TOR1AIP2: variants seen among roughly 807,000 people sequenced by gnomAD.
TOR1AIP2 encodes the protein torsin 1A interacting protein 2.
TOR1AIP2 carries 20 observed loss-of-function variants against 32.6 expected under a neutral mutation model. That is an observed-to-expected ratio of 0.61 (90% confidence interval 0.43 to 0.89). The LOEUF is 0.89. TOR1AIP2 is among the 40% of genes least tolerant of loss of function. The probability of loss-of-function intolerance (pLI) is 0.00; values close to 1 mark genes in which losing one functional copy is unlikely to be tolerated. For missense variants in TOR1AIP2, 456 were observed against 553.8 expected (o/e 0.82, Z 1.77); for synonymous variants, 214 against 210.8 (o/e 1.02, Z -0.13).
At chr1:179,870,160 G>A (rs1354482591) in intron 2 of TOR1AIP2, among the ~76,000 whole-genome samples, 1 of 152,192 alleles carries the variant, frequency 6.6e-6, no homozygotes, top group Admixed American at 6.5e-5. Context: ...ACTTTGGGAG[G>A]CCAAGGCGGG....
At chr1:179,875,573 C>T (rs1436613021) in intron 2 of TOR1AIP2, 1 of 152,122 alleles carries the variant, frequency 6.6e-6, no homozygotes, top group African/African-American at 2.4e-5. Flanking sequence ...ATGATAGATA[C>T]TCATGGTCAA....
intron 4 of TOR1AIP2, among the ~76,000 whole-genome samples, chr1:179,851,954 G>A (rs1331484150): frequency 1.3e-5 from 2 of 152,154 alleles, no homozygotes; most frequent in Admixed American, 6.5e-5. Context: ...AACCCAGCAC[G>A]TGGGAAATTC....
At chr1:179,865,877 C>T (rs1410331687) in intron 2 of TOR1AIP2, 23 bp from the exon 3 acceptor site, 3 of 152,588 alleles carry the variant, frequency 2.0e-5, no homozygotes, top group South Asian at 2.1e-4. Flanking sequence ...AAACTTCAGA[C>T]GACTCATGGG....
At chr1:179,852,234 C>G (rs1313624307) in intron 4 of TOR1AIP2, among the ~76,000 whole-genome samples, 1 of 150,528 alleles carries the variant, frequency 6.6e-6, no homozygotes, top group Non-Finnish European at 1.5e-5. Flanking sequence ...GAGCTGAGAT[C>G]ACGCCACTGC....
At chr1:179,872,068 A>G (rs1181249127) in intron 2 of TOR1AIP2, among the ~76,000 whole-genome samples, 2 of 152,214 alleles carry the variant, frequency 1.3e-5, no homozygotes, top group African/African-American at 4.8e-5. Flanking sequence ...TTTAGAACAG[A>G]GAAGCCAAAT....
Position 179,877,755 on chromosome 1 carries a change from C to T in TOR1AIP2, c.-763G>A, listed in dbSNP as rs1240401462. The T allele has an allele frequency of 6.6e-6, 1 of 152,202 alleles. No homozygotes were observed. Among genetic ancestry groups the T allele is most frequent in the Non-Finnish European group, 1.5e-5 (1 of 68,042 alleles). The allele number at this position is 152,202 out of a possible 1,614,324, so 9.4% of individuals were successfully genotyped here. A position where few individuals can be genotyped will look rare whatever the true frequency, so the allele number is the denominator to read the frequency against. ...ATCAGGAGAGCCCTTCGAGTATTCTCTCCGCTCCACACCGCTCGGCTGCAC... is the reference window on the plus strand; with the variant it reads ...ATCAGGAGAGCCCTTCGAGTATTCTTTCCGCTCCACACCGCTCGGCTGCAC... On this transcript the variant is annotated 5_prime_UTR_variant, in exon 1 of 7. Coordinates refer to ENST00000609928, the MANE Select transcript of TOR1AIP2 (RefSeq NM_001199260.2).
intron 3 of TOR1AIP2, chr1:179,864,609 C>T: frequency 1.4e-6 from 2 of 1,382,444 alleles, no homozygotes; most frequent in Non-Finnish European, 1.9e-6. Flanking sequence ...GGAATACTAA[C>T]TAAATTCATG....
In TOR1AIP2 at chr1:179,851,162, C is replaced by A; in HGVS notation, c.236G>T (p.Gly79Val). ...KSESPDEANVGKHPKDKTEDE... is the reference protein window; with the variant it reads ...KSESPDEANVVKHPKDKTEDE... ...TTCTGTTTTATCCTTTGGATGTTTC[C>A]CCACATTTGCTTCATCTGGACTTTC... is the stretch of plus-strand genomic sequence containing the variant. Residue 79 changes from glycine (G) to valine (V), a missense_variant, in exon 5 of 7, where the codon GGG becomes GTG. By Grantham distance (109) the Gly-to-Val change is moderately radical (BLOSUM62 -3). Transcript: ENST00000609928. The A allele has an allele frequency of 6.2e-7, 1 of 1,613,996 alleles. No homozygotes were observed. The highest frequency in any genetic ancestry group is 8.5e-7 in the Non-Finnish European group (1 of 1,180,006).
intron 3 of TOR1AIP2, among the ~76,000 whole-genome samples, chr1:179,858,270 C>T (rs2148438270): frequency 6.6e-6 from 1 of 152,138 alleles, no homozygotes; most frequent in African/African-American, 2.4e-5. Context: ...TGATATGTTA[C>T]AGCATGTACA....
At position 179,865,538 on chromosome 1, in the gene TOR1AIP2, G is replaced by C. The variant is rs1413916241; in HGVS notation, c.-249C>G. The C allele has an allele frequency of 5.4e-6, 1 of 183,760 alleles. No individual in the cohort carries two copies. The highest frequency in any genetic ancestry group is 2.4e-5 in the African/African-American group (1 of 42,370). The allele number at this position is 183,760 out of a possible 1,614,324, so 11.4% of individuals were successfully genotyped here. ...ATATTTTTCTTATGCGTCATCAGCTGCTGGTGGTGTCACACAGAGGCACTT... is the reference window on the plus strand; with the variant it reads ...ATATTTTTCTTATGCGTCATCAGCTCCTGGTGGTGTCACACAGAGGCACTT... On this transcript the variant is annotated 5_prime_UTR_variant, in exon 3 of 7. Transcript: ENST00000609928.
chr1:179,854,450 A>G (rs934255254), intron 3 of TOR1AIP2, among the ~76,000 whole-genome samples: 11 of 152,242 alleles, frequency 7.2e-5, no homozygotes, highest in Non-Finnish European at 1.5e-4. Flanking sequence ...TTTTTTGATT[A>G]TTGTTGGTTT....
chr1:179,863,232 A>AT (rs1696625395), intron 3 of TOR1AIP2: 1 of 969,984 alleles, frequency 1.0e-6, no homozygotes, highest in Non-Finnish European at 1.2e-6. Flanking sequence ...TCAAAAAAAA[A>AT]AAAAAAAAAA....
At chr1:179,877,529 A>G (rs1184264560) in intron 1 of TOR1AIP2, among the ~76,000 whole-genome samples, 156 bp from the exon 2 acceptor site, 1 of 149,536 alleles carries the variant, frequency 6.7e-6, no homozygotes, top group Non-Finnish European at 1.5e-5. Flanking sequence ...CCTCGGTGAC[A>G]GGGCAAGTAC....
At chr1:179,860,520 C>G (rs777471414) in intron 3 of TOR1AIP2, 1 of 985,442 alleles carries the variant, frequency 1.0e-6, no homozygotes, top group Non-Finnish European at 1.2e-6. Flanking sequence ...CTACCTTATT[C>G]CCCAGTTCTA....
At chr1:179,872,693 T>A (rs183099836) in intron 2 of TOR1AIP2, among the ~76,000 whole-genome samples, 9 of 152,318 alleles carry the variant, frequency 5.9e-5, no homozygotes, top group Admixed American at 4.6e-4. Flanking sequence ...CTTACCCTTT[T>A]TCATACTCCC....
intron 2 of TOR1AIP2, among the ~76,000 whole-genome samples, chr1:179,869,851 G>C (rs1319903987): frequency 1.3e-5 from 2 of 152,180 alleles, no homozygotes; most frequent in Admixed American, 1.3e-4. Flanking sequence ...TATTTGGCAG[G>C]ATATTAAACA....
chr1:179,850,029 T>C (rs1042334960), intron 5 of TOR1AIP2, among the ~76,000 whole-genome samples: 1 of 152,238 alleles, frequency 6.6e-6, no homozygotes, highest in Middle Eastern at 3.2e-3. Context: ...TTATATTCTT[T>C]TGCACTGGCA....
In TOR1AIP2 at chr1:179,846,578, C is replaced by T. The variant is rs145661180; in HGVS notation, c.906G>A (p.Arg302=). Reference sequence around the variant, plus strand: ...GGCACTTCAGGGTCTCTCTTCCCTCCCGAGCTGCTGTAAATATGATGGTGG... The same window carrying T: ...GGCACTTCAGGGTCTCTCTTCCCTCTCGAGCTGCTGTAAATATGATGGTGG... The part of the protein sequence containing the change: ...EPATIIFTAA[R]EGRETLKCLS... Residue 302 remains arginine (R), a synonymous_variant, in exon 7 of 7, where the codon CGG becomes CGA. Transcript: ENST00000609928. The T allele has an allele frequency of 5.0e-4, 809 of 1,614,004 alleles. 1 individual carries two copies. Among genetic ancestry groups the T allele is most frequent in the Non-Finnish European group, 6.7e-4 (785 of 1,180,036 alleles).
At chr1:179,864,159 G>T in intron 3 of TOR1AIP2, 1 of 985,404 alleles carries the variant, frequency 1.0e-6, no homozygotes, top group South Asian at 4.7e-5. Context: ...TTTCCTAATA[G>T]AATGTGATTT....
Sources: allele counts gnomAD v4.1 joint callset (sites outside exome capture counted in the v4.1 genomes callset), GRCh38; gene constraint gnomAD v4.1.1; transcripts MANE v1.5; gene names NCBI Gene and HGNC (gene_info 2026-07-23, HGNC 2026-07-21).